The following KAZN variants were observed in gnomAD, a reference collection of about 807,000 sequenced individuals.
KAZN encodes the protein kazrin, periplakin interacting protein, also known as kazrin.
A neutral mutation model predicts 87.4 loss-of-function variants in KAZN; 40 were observed. That is an observed-to-expected ratio of 0.46 (90% CI 0.36 to 0.60). KAZN has a LOEUF of 0.60. Among genes scored for constraint, KAZN ranks in the 20% least tolerant of loss-of-function variants. The pLI is 0.00. For missense variants in KAZN, 898 were observed against 1,073.9 expected (o/e 0.84, Z 2.29); for synonymous variants, 466 against 458.3 (o/e 1.02, Z -0.22).
intron 1 of KAZN, among the ~76,000 whole-genome samples, chr1:14,031,985 T>C (rs1164239072): frequency 2.0e-5 from 3 of 152,176 alleles, no homozygotes; most frequent in Admixed American, 6.5e-5. Flanking sequence ...ATTCCCCAAA[T>C]TGGTAACTTG....
chr1:14,075,121 A>G (rs532159412), intron 1 of KAZN, among the ~76,000 whole-genome samples: 77 of 152,318 alleles, frequency 5.1e-4, no homozygotes, highest in African/African-American at 1.8e-3. Context: ...ATTGCTAATT[A>G]TTTGTATTAA....
intron 1 of KAZN, among the ~76,000 whole-genome samples, chr1:14,164,491 T>C (rs1468701767): frequency 2.6e-5 from 4 of 151,424 alleles, no homozygotes; most frequent in Non-Finnish European, 5.9e-5. Context: ...TTTGTAAATC[T>C]AGCCTCAAAA....
chr1:14,821,624 C>T (rs1343857287), intron 1 of KAZN, among the ~76,000 whole-genome samples: 1 of 152,158 alleles, frequency 6.6e-6, no homozygotes, highest in East Asian at 1.9e-4. Flanking sequence ...CAGATACACC[C>T]AGAGGGACAA....
At chr1:14,777,101 C>T (rs995920049) in intron 1 of KAZN, among the ~76,000 whole-genome samples, 4 of 152,260 alleles carry the variant, frequency 2.6e-5, no homozygotes, top group East Asian at 1.9e-4. Context: ...CCCGGGTTCA[C>T]GCCAGCTTCC....
chr1:14,889,325 A>T (rs1654454052), intron 1 of KAZN, among the ~76,000 whole-genome samples: 1 of 152,260 alleles, frequency 6.6e-6, no homozygotes, highest in Non-Finnish European at 1.5e-5. Context: ...AAATAAGAGA[A>T]CAAAAAGACC....
At chr1:15,046,447 C>CA (rs60755619) in intron 4 of KAZN, among the ~76,000 whole-genome samples, 16,464 of 152,074 alleles carry the variant, frequency 0.11, 1,489 homozygotes, top group African/African-American at 0.25. Context: ...TTTGCTGTCT[C>CA]GGGGTGACGG....
chr1:14,769,159 G>A lies in KAZN; in HGVS notation c.226+169936G>A, dbSNP rs1006242869. 6.6e-6 allele frequency among the ~76,000 whole-genome samples: 1 copy of A among 152,170 alleles called. No homozygotes were observed. The highest frequency in any genetic ancestry group is 1.5e-5 in the Non-Finnish European group (1 of 68,026). ...AGCCCATCAAGGCCAGCAGCAGGAA[G>A]CAGAGCACCTTTGAGTCTGACCCTG... On this transcript the variant is annotated intron_variant, in intron 1 of 14. Transcript: ENST00000376030. This position sits in a 1 kb window ranked among gnomAD's most constrained non-coding sequence, Gnocchi z 4.1.
chr1:15,110,107 ATTTG>A (rs1252991118), intron 13 of KAZN, among the ~76,000 whole-genome samples: 1 of 135,564 alleles, frequency 7.4e-6, no homozygotes, highest in African/African-American at 2.7e-5. Flanking sequence ...GTATGTGCGT[ATTTG>A]TGTGTGTATT....
intron 2 of KAZN, among the ~76,000 whole-genome samples, chr1:14,202,939 C>T (rs543021576): frequency 6.6e-6 from 1 of 152,118 alleles, no homozygotes; most frequent in African/African-American, 2.4e-5. Context: ...ATTGCTTGAA[C>T]CTGGGAGGCA....
At chr1:14,896,485 C>A (rs1180074173) in intron 1 of KAZN, among the ~76,000 whole-genome samples, 1 of 152,216 alleles carries the variant, frequency 6.6e-6, no homozygotes, top group Non-Finnish European at 1.5e-5. Flanking sequence ...GCTAGCCAGA[C>A]AAATGGGACT....
chr1:14,325,509 ATG>A (rs938559702), intron 2 of KAZN, among the ~76,000 whole-genome samples: 1 of 152,210 alleles, frequency 6.6e-6, no homozygotes, highest in Non-Finnish European at 1.5e-5. Context: ...GCATACCAAC[ATG>A]TGCATGGTAG....
At chr1:14,294,900 C>CT (rs556014505) in intron 2 of KAZN, among the ~76,000 whole-genome samples, 5,341 of 139,644 alleles carry the variant, frequency 0.038, 301 homozygotes, top group African/African-American at 0.12. Flanking sequence ...TCATTCAGAT[C>CT]TTTTTTTTTT....
intron 1 of KAZN, among the ~76,000 whole-genome samples, chr1:13,952,574 G>T (rs1641394187): frequency 6.6e-6 from 1 of 152,002 alleles, no homozygotes; most frequent in Non-Finnish European, 1.5e-5. Context: ...TACTTCTTGG[G>T]CCCTGTGCTG....
intron 2 of KAZN, among the ~76,000 whole-genome samples, chr1:14,248,018 G>A (rs140603427): frequency 1.3e-5 from 2 of 152,100 alleles, no homozygotes; most frequent in East Asian, 1.9e-4. Flanking sequence ...GGTGTAAAAC[G>A]CCACTCTCAA....
At chr1:14,637,073 C>G (rs1210148283) in intron 1 of KAZN, among the ~76,000 whole-genome samples, 1 of 152,150 alleles carries the variant, frequency 6.6e-6, no homozygotes, top group East Asian at 1.9e-4. Flanking sequence ...GCCCAGGGCC[C>G]CTTTTCTGAC....
upstream of KAZN, among the ~76,000 whole-genome samples, chr1:14,598,379 A>G (rs1572014185): frequency 6.6e-6 from 1 of 151,878 alleles, no homozygotes; most frequent in Non-Finnish European, 1.5e-5. This position sits in a 1 kb window ranked among gnomAD's most constrained non-coding sequence, Gnocchi z 4.2. Flanking sequence ...TCTTCCGAGC[A>G]CCCAGCACCT....
intron 2 of KAZN, among the ~76,000 whole-genome samples, chr1:14,385,922 C>T (rs1329255297): frequency 6.7e-6 from 1 of 148,906 alleles, no homozygotes; most frequent in Non-Finnish European, 1.5e-5. Context: ...GTGTTAAAAT[C>T]TCCCATTATT....
At chr1:14,509,056 A>T (rs1189665588) in intron 2 of KAZN, among the ~76,000 whole-genome samples, 5 of 152,248 alleles carry the variant, frequency 3.3e-5, no homozygotes, top group Non-Finnish European at 5.9e-5. Flanking sequence ...GCAGTGAGAA[A>T]GGAAAAGCGT....
At chr1:14,095,668 T>A (rs1644110891) in intron 1 of KAZN, among the ~76,000 whole-genome samples, 1 of 151,962 alleles carries the variant, frequency 6.6e-6, no homozygotes, top group African/African-American at 2.4e-5. Flanking sequence ...CAGGTGGGAG[T>A]GTCAACTGAG....
Sources: gnomAD v4.1 joint callset for allele counts (sites outside exome capture counted in the v4.1 genomes callset) on GRCh38, gnomAD v4.1.1 for gene constraint, Gnocchi (gnomAD v3.1) non-coding constraint, MANE v1.5 for transcripts, NCBI Gene and HGNC (gene_info 2026-07-23, HGNC 2026-07-21) for gene names.